Variants in EPHA6 observed in about 807,000 individuals in gnomAD.
EPHA6 encodes EPH receptor A6.
EPHA6 carries 50 observed loss-of-function variants against 112.0 expected under a neutral mutation model. That is an observed-to-expected ratio of 0.45 (90% CI 0.36 to 0.56). The LOEUF (loss-of-function observed/expected upper bound fraction) is 0.56, where lower values mean the gene tolerates loss of function less well. EPHA6 is among the 20% of genes least tolerant of loss of function. EPHA6 has a pLI of 0.00. For missense variants in EPHA6, 1,280 were observed against 1,417.4 expected (o/e 0.90, Z 1.56); for synonymous variants, 529 against 490.7 (o/e 1.08, Z -1.03).
At chr3:97,214,038 T>TGTGTGTGTGTGTGAGAGAGA (rs1491420279) in intron 3 of EPHA6, among the ~76,000 whole-genome samples, 18 of 77,840 alleles carry the variant, frequency 2.3e-4, no homozygotes, top group African/African-American at 5.2e-4. Context: ...TGTGTGTGTG[T>TGTGTGTGTGTGTGAGAGAGA]GAGAGAGAGA....
Position 97,160,081 on chromosome 3 carries a change from T to C in EPHA6, c.1115-66183T>C, listed in dbSNP as rs115565277. Among the ~76,000 whole-genome samples, 958 of 152,228 alleles carry C rather than the reference T, an allele frequency of 6.3e-3. 6 individuals are homozygous for C. Among genetic ancestry groups the C allele is most frequent in the African/African-American group, 0.022 (917 of 41,552 alleles). ...GTATGCTTTGGTGAATAGAAGTCCA[T>C]GTTGCTGAATCCATGTATAACCTCC... On this transcript the variant is annotated intron_variant, in intron 3 of 17. Coordinates refer to ENST00000389672, the MANE Select transcript of EPHA6 (RefSeq NM_001080448.3).
At chr3:97,125,355 G>A (rs941005497) in intron 3 of EPHA6, among the ~76,000 whole-genome samples, 26 of 152,204 alleles carry the variant, frequency 1.7e-4, no homozygotes, top group African/African-American at 5.3e-4. Context: ...AGCTCACTCA[G>A]TTCAACAAGG....
intron 6 of EPHA6, among the ~76,000 whole-genome samples, chr3:97,443,208 A>G (rs1350506506): frequency 6.6e-6 from 1 of 152,010 alleles, no homozygotes; most frequent in African/African-American, 2.4e-5. Flanking sequence ...TCAAACAGAA[A>G]CGGAGAGAGA....
rs570739823 is a variant in EPHA6, at chr3:97,079,200, C to G, written c.1114+91207C>G. ...TACAATAGCAAAGACATGGAATCAA[C>G]CTAAATGCCCATCAATGTTAGGATG... On this transcript the variant is annotated intron_variant, in intron 3 of 17. Coordinates refer to ENST00000389672, the MANE Select transcript of EPHA6 (RefSeq NM_001080448.3). Among the ~76,000 whole-genome samples the G allele has an allele frequency of 3.0e-4, 46 of 152,084 alleles. 1 individual carries two copies. In the South Asian group the frequency reaches 4.2e-3, roughly 14 times the overall value.
At chr3:97,490,601 A>T (rs181720746) in intron 10 of EPHA6, among the ~76,000 whole-genome samples, 1 of 152,310 alleles carries the variant, frequency 6.6e-6, no homozygotes, top group East Asian at 1.9e-4. Context: ...TGTTAGCAAG[A>T]CTGGGTACAT....
chr3:96,929,338 T>G (rs2040198391), intron 2 of EPHA6, among the ~76,000 whole-genome samples: 1 of 152,226 alleles, frequency 6.6e-6, no homozygotes, highest in African/African-American at 2.4e-5. Context: ...TGCTGCTTTG[T>G]GTACCTCAGT....
intron 3 of EPHA6, among the ~76,000 whole-genome samples, chr3:97,124,705 C>T (rs1300048840): frequency 2.6e-5 from 4 of 152,114 alleles, no homozygotes; most frequent in African/African-American, 9.7e-5. Flanking sequence ...CTCAGCAGAG[C>T]TTCTAGATAT....
intron 2 of EPHA6, among the ~76,000 whole-genome samples, chr3:96,958,307 A>C (rs1405674735): frequency 4.6e-5 from 7 of 152,110 alleles, no homozygotes; most frequent in Admixed American, 2.0e-4. Flanking sequence ...AAAAAAAAAA[A>C]AAGAACTTGA....
intron 3 of EPHA6, among the ~76,000 whole-genome samples, chr3:97,115,296 A>G (rs1306393128): frequency 6.6e-6 from 1 of 151,836 alleles, no homozygotes; most frequent in Non-Finnish European, 1.5e-5. Flanking sequence ...ATATAAATAA[A>G]CCAAATATGA....
intron 3 of EPHA6, among the ~76,000 whole-genome samples, chr3:97,144,708 CTTAA>C (rs751765886): frequency 6.0e-5 from 9 of 150,670 alleles, no homozygotes; most frequent in Non-Finnish European, 1.3e-4. Context: ...TCTTAGTGTG[CTTAA>C]TTTTCTTTAA....
chr3:96,833,451 G>A (rs984276399), intron 1 of EPHA6, among the ~76,000 whole-genome samples: 1 of 151,874 alleles, frequency 6.6e-6, no homozygotes, highest in African/African-American at 2.4e-5. Flanking sequence ...ATAAATGTCT[G>A]TGTTCTGTGT....
At position 97,452,190 on chromosome 3, in the gene EPHA6, A is replaced by G. The variant is rs150569497; in HGVS notation, c.1894+3460A>G. ...GAGACCAGTGCTTGGTTCTTTTTCA[A>G]TATCAAAATATGCTAGTGGAGATTC... is the stretch of plus-strand genomic sequence containing the variant. On this transcript the variant is annotated intron_variant, in intron 7 of 17. Transcript: ENST00000389672. Among the ~76,000 whole-genome samples the G allele has an allele frequency of 4.3e-3, 648 of 151,984 alleles. 5 individuals are homozygous for G. Among genetic ancestry groups the G allele is most frequent in the African/African-American group, 0.014 (589 of 41,530 alleles).
Position 97,743,055 on chromosome 3 carries a change from C to T in EPHA6, c.3129-4368C>T, listed in dbSNP as rs1356005075. Among the ~76,000 whole-genome samples the T allele has an allele frequency of 3.3e-5, 5 of 152,104 alleles. No homozygotes were observed. The South Asian group carries it at 1.0e-3, about 31-fold the overall frequency. ...CTAAGCTACCCAACTCCACCTATCACTGCCTCTTTCTCCACTCTGAAACCT... is the reference window on the plus strand; with the variant it reads ...CTAAGCTACCCAACTCCACCTATCATTGCCTCTTTCTCCACTCTGAAACCT... On this transcript the variant is annotated intron_variant, in intron 16 of 17. Coordinates refer to ENST00000389672, the MANE Select transcript of EPHA6 (RefSeq NM_001080448.3).
chr3:97,741,837 A>G (rs2035518129), intron 16 of EPHA6, among the ~76,000 whole-genome samples: 1 of 152,140 alleles, frequency 6.6e-6, no homozygotes, highest in African/African-American at 2.4e-5. Flanking sequence ...GTCTATTAAA[A>G]TTCAAAAAAC....
At chr3:97,652,137 A>G (rs1406778793) in intron 14 of EPHA6, among the ~76,000 whole-genome samples, 1 of 152,086 alleles carries the variant, frequency 6.6e-6, no homozygotes, top group Non-Finnish European at 1.5e-5. Flanking sequence ...CAGAGGAAAT[A>G]AAGTCATAAC....
At chr3:97,402,829 C>A (rs545979762) in intron 5 of EPHA6, among the ~76,000 whole-genome samples, 3 of 151,996 alleles carry the variant, frequency 2.0e-5, no homozygotes, top group Non-Finnish European at 4.4e-5. Flanking sequence ...TTAGAAAAAC[C>A]AAACTTGTCA....
chr3:96,963,905 G>T (rs2042032828), intron 2 of EPHA6, among the ~76,000 whole-genome samples: 1 of 152,020 alleles, frequency 6.6e-6, no homozygotes. Flanking sequence ...GTCTTTTCAT[G>T]TGCCTTTATT....
intron 7 of EPHA6, among the ~76,000 whole-genome samples, chr3:97,455,111 C>G (rs1347970991): frequency 6.6e-6 from 1 of 151,886 alleles, no homozygotes; most frequent in African/African-American, 2.4e-5. Context: ...GTAGCGAAGG[C>G]CCCTCATAAT....
At chr3:96,979,135 T>A (rs1321912502) in intron 2 of EPHA6, among the ~76,000 whole-genome samples, 1 of 152,136 alleles carries the variant, frequency 6.6e-6, no homozygotes, top group African/African-American at 2.4e-5. Context: ...TGTATATATG[T>A]GCCATGTTTG....
Sources: gnomAD v4.1 joint callset for allele counts (sites outside exome capture counted in the v4.1 genomes callset) on GRCh38, gnomAD v4.1.1 for gene constraint, MANE v1.5 for transcripts, NCBI Gene and HGNC (gene_info 2026-07-23, HGNC 2026-07-21) for gene names.